EXOC4: variants seen among roughly 807,000 people sequenced by gnomAD.
EXOC4 encodes exocyst complex component 4.
A neutral mutation model predicts 107.2 loss-of-function variants in EXOC4; 71 were observed. The observed-to-expected ratio is 0.66, with a 90% confidence interval of 0.55 to 0.81. The LOEUF is 0.81. EXOC4 is among the 30% of genes least tolerant of loss of function. The pLI, the probability that EXOC4 is intolerant of heterozygous loss-of-function variation, is 0.00. For missense variants in EXOC4, 1,108 were observed against 1,189.6 expected (o/e 0.93, Z 1.01); for synonymous variants, 456 against 441.2 (o/e 1.03, Z -0.42).
At chr7:133,658,591 T>G (rs1803357426) in intron 10 of EXOC4, among the ~76,000 whole-genome samples, 1 of 152,156 alleles carries the variant, frequency 6.6e-6, no homozygotes, top group African/African-American at 2.4e-5. Context: ...GGCTATGTCT[T>G]TGGGGTAACG....
chr7:133,253,447 C>G (rs1794940443), intron 1 of EXOC4: 1 of 1,215,912 alleles, frequency 8.2e-7, no homozygotes, highest in South Asian at 2.9e-5. Context: ...AGTCTCGGGA[C>G]CCCAAAGCAC....
intron 9 of EXOC4, among the ~76,000 whole-genome samples, chr7:133,496,183 T>G (rs2150880958): frequency 6.6e-6 from 1 of 152,250 alleles, no homozygotes; most frequent in South Asian, 2.1e-4. Flanking sequence ...GCGGTCTTGC[T>G]CTGTCCCCCA....
intron 9 of EXOC4, among the ~76,000 whole-genome samples, chr7:133,616,860 G>T (rs755337673): frequency 6.6e-6 from 1 of 152,060 alleles, no homozygotes; most frequent in Admixed American, 6.6e-5. Flanking sequence ...TGCAGTATCA[G>T]AAAAATGTAA....
chr7:133,683,318 G>GA (rs1278876645), intron 10 of EXOC4, among the ~76,000 whole-genome samples: 1 of 152,050 alleles, frequency 6.6e-6, no homozygotes, highest in Non-Finnish European at 1.5e-5. Context: ...GGCCATAATT[G>GA]AGCAGTATCA....
chr7:134,059,270 T>C (rs995419464), intron 17 of EXOC4, among the ~76,000 whole-genome samples: 3 of 152,164 alleles, frequency 2.0e-5, no homozygotes, highest in Non-Finnish European at 2.9e-5. Flanking sequence ...CTAATCACTT[T>C]CAGAGATGCA....
At chr7:133,582,892 G>A (rs1485151554) in intron 9 of EXOC4, among the ~76,000 whole-genome samples, 1 of 152,156 alleles carries the variant, frequency 6.6e-6, no homozygotes, top group East Asian at 1.9e-4. Flanking sequence ...TTGAAAAGTT[G>A]CATTCTTTGC....
chr7:133,300,130 A>G (rs1456787388), intron 3 of EXOC4, among the ~76,000 whole-genome samples: 3 of 152,158 alleles, frequency 2.0e-5, no homozygotes, highest in Non-Finnish European at 4.4e-5. Flanking sequence ...GGTCTGATCA[A>G]TATTATTTTA....
intron 9 of EXOC4, among the ~76,000 whole-genome samples, chr7:133,516,331 G>T (rs1254176815): frequency 6.6e-6 from 1 of 152,104 alleles, no homozygotes; most frequent in Non-Finnish European, 1.5e-5. Flanking sequence ...GAGAATTTCT[G>T]TACCTGTCAA....
intron 7 of EXOC4, among the ~76,000 whole-genome samples, chr7:133,448,737 A>G (rs907762780): frequency 6.6e-6 from 1 of 152,192 alleles, no homozygotes; most frequent in Non-Finnish European, 1.5e-5. Flanking sequence ...GTCTTTGCAG[A>G]TGCAGTCAAA....
chr7:133,266,026 T>C (rs566086315), intron 1 of EXOC4, among the ~76,000 whole-genome samples: 12 of 152,306 alleles, frequency 7.9e-5, no homozygotes, highest in Non-Finnish European at 1.5e-4. Context: ...ATTAGTCTGC[T>C]TGGGCTGCCA....
chr7:134,002,906 A>T (rs1585313891), intron 15 of EXOC4, among the ~76,000 whole-genome samples: 1 of 152,150 alleles, frequency 6.6e-6, no homozygotes, highest in Admixed American at 6.5e-5. Context: ...TTGGAAAGCA[A>T]TTGGTAATTT....
chr7:133,859,311 C>A (rs1798483459), intron 11 of EXOC4, among the ~76,000 whole-genome samples: 1 of 152,170 alleles, frequency 6.6e-6, no homozygotes, highest in African/African-American at 2.4e-5. Flanking sequence ...CCCACTACCT[C>A]ACCCAGAGAG....
At chr7:133,806,132 G>T (rs956112699) in intron 10 of EXOC4, among the ~76,000 whole-genome samples, 3 of 152,240 alleles carry the variant, frequency 2.0e-5, no homozygotes, top group Non-Finnish European at 4.4e-5. Flanking sequence ...TCAGCATAAG[G>T]AGTAATAAAT....
At chr7:133,783,627 T>C (rs1796510817) in intron 10 of EXOC4, among the ~76,000 whole-genome samples, 1 of 152,216 alleles carries the variant, frequency 6.6e-6, no homozygotes. Context: ...CGGTGAACTG[T>C]GTGGAGAGTT....
At chr7:133,709,202 T>C (rs1282960322) in intron 10 of EXOC4, among the ~76,000 whole-genome samples, 1 of 152,218 alleles carries the variant, frequency 6.6e-6, no homozygotes, top group Admixed American at 6.5e-5. Flanking sequence ...CAACAAGTTA[T>C]CACTAGGCTG....
intron 9 of EXOC4, chr7:133,484,048 C>T (rs747947880): frequency 5.0e-6 from 8 of 1,613,870 alleles, no homozygotes; most frequent in South Asian, 3.3e-5. Context: ...AGGGTAGCGG[C>T]GAAGAAATCC....
chr7:133,911,049 G>A (rs1315524028), intron 12 of EXOC4, among the ~76,000 whole-genome samples: 3 of 152,094 alleles, frequency 2.0e-5, no homozygotes, highest in African/African-American at 7.2e-5. Context: ...GTATCTCGAG[G>A]GTGGACCTTT....
chr7:134,081,565 A>G, the EXOC4 span, among the ~76,000 whole-genome samples: 2 of 152,216 alleles, frequency 1.3e-5, no homozygotes, highest in Admixed American at 6.5e-5. Flanking sequence ...GATACTTAGA[A>G]CAATCCCTGG....
At chr7:133,954,383 A>G (rs1209373693) in intron 14 of EXOC4, among the ~76,000 whole-genome samples, 1 of 152,220 alleles carries the variant, frequency 6.6e-6, no homozygotes, top group Non-Finnish European at 1.5e-5. Context: ...TAGCTAATAC[A>G]TGTTGAAGCT....
Sources: gnomAD v4.1 joint callset for allele counts (sites outside exome capture counted in the v4.1 genomes callset) on GRCh38, gnomAD v4.1.1 for gene constraint, MANE v1.5 for transcripts, NCBI Gene and HGNC (gene_info 2026-07-23, HGNC 2026-07-21) for gene names.